Variants in DLC1 observed in about 807,000 individuals in gnomAD.
DLC1 encodes DLC1 Rho GTPase activating protein.
Under a neutral mutation model 140.3 loss-of-function variants are expected in DLC1, and 54 were observed. The observed-to-expected ratio is 0.38, with a 90% CI of 0.31 to 0.48. The LOEUF (loss-of-function observed/expected upper bound fraction) is 0.48, where lower values mean the gene tolerates loss of function less well. DLC1 is among the 20% of genes least tolerant of loss of function. The pLI is 0.96. For missense variants in DLC1, 2,536 were observed against 1,907.0 expected (o/e 1.33, Z -6.14); for synonymous variants, 986 against 728.1 (o/e 1.35, Z -5.70).
chr8:13,169,871 C>G (rs559802666), intron 5 of DLC1, among the ~76,000 whole-genome samples: 1 of 147,708 alleles, frequency 6.8e-6, no homozygotes, highest in South Asian at 2.1e-4. Flanking sequence ...AAAAAAAAAG[C>G]CAGATGCGGT....
At position 13,572,091 on chromosome 8, in the gene DLC1, A is replaced by ATT. The variant is rs773027065; in HGVS notation, c.-126+32444_-126+32445dup. Among the ~76,000 whole-genome samples the ATT allele has an allele frequency of 8.2e-3, 462 of 56,312 alleles. 10 individuals are homozygous for ATT. Among genetic ancestry groups the ATT allele is most frequent in the African/African-American group, 0.016 (190 of 11,786 alleles). The allele number at this position is 56,312 out of a possible 152,430, so 36.9% of individuals were successfully genotyped here. The stretch of plus-strand genomic sequence containing the variant: ...GAGTTTCAGGATTATTATTATTATT[A>ATT]TTTATTTTTTTTTTTTGAGATGGAG... On this transcript the variant is annotated intron_variant, in intron 1 of 1. Transcript: ENST00000631382.
intron 5 of DLC1, among the ~76,000 whole-genome samples, chr8:13,270,056 C>CA (rs538965954): frequency 0.027 from 1,906 of 71,368 alleles, 24 homozygotes; most frequent in South Asian, 0.047. Context: ...GACTCCGTCT[C>CA]AAAAAAAAAA....
intron 1 of DLC1, among the ~76,000 whole-genome samples, chr8:13,553,262 T>C (rs1318671327): frequency 7.4e-6 from 1 of 134,538 alleles, no homozygotes; most frequent in Admixed American, 8.0e-5. Flanking sequence ...GTATCACCTT[T>C]CTTCTTACTG....
intron 15 of DLC1, among the ~76,000 whole-genome samples, chr8:13,088,958 G>C (rs899837035): frequency 5.3e-5 from 8 of 152,122 alleles, no homozygotes; most frequent in African/African-American, 1.4e-4. Context: ...GTCAACTCGA[G>C]TCAAAATGAT....
intron 2 of DLC1, among the ~76,000 whole-genome samples, chr8:13,497,825 A>G (rs139825275): frequency 4.3e-4 from 65 of 152,346 alleles, no homozygotes; most frequent in African/African-American, 1.2e-3. Flanking sequence ...AAACTTATGT[A>G]AGGAAGTGAG....
intron 4 of DLC1, among the ~76,000 whole-genome samples, chr8:13,386,318 A>C (rs1347269501): frequency 2.6e-5 from 4 of 152,070 alleles, no homozygotes; most frequent in Non-Finnish European, 2.9e-5. Context: ...TGCTCCAGAT[A>C]CTTAATTAAC....
chr8:13,451,065 A>AAAAG (rs1799028313), intron 2 of DLC1, among the ~76,000 whole-genome samples: 2 of 147,916 alleles, frequency 1.4e-5, no homozygotes, highest in Non-Finnish European at 3.0e-5. Context: ...AAAAAAAAAA[A>AAAAG]AAAGAAAAAA....
rs569868045 is a variant in DLC1 at position 13,346,569 on chromosome 8, T to C, written c.1315-41267A>G. ...ATATGTAAAGTTTAATTGTTCTAGTTCTTTGTAACTTGAGCGGCAGGTGCC... is the reference window on the plus strand; with the variant it reads ...ATATGTAAAGTTTAATTGTTCTAGTCCTTTGTAACTTGAGCGGCAGGTGCC... On this transcript the variant is annotated intron_variant, in intron 4 of 17. Transcript: ENST00000276297. Among the ~76,000 whole-genome samples the C allele has an allele frequency of 1.8e-4, 28 of 152,310 alleles. 1 individual carries two copies. In the South Asian group the frequency reaches 5.6e-3, roughly 30 times the overall value.
rs563074078 is a variant in DLC1, at chr8:13,395,053, T to C, written c.1174-1360A>G. Among the ~76,000 whole-genome samples, 777 of 120,174 alleles carry C rather than the reference T, an allele frequency of 6.5e-3. 6 individuals are homozygous for C. The highest frequency in any genetic ancestry group is 0.016 in the South Asian group (54 of 3,482). 78.8% of individuals were successfully genotyped at this position (120,174 alleles called of 152,430 possible). ...ATCTATCATCTATCTATCTATCTATTAGGTACCTATCTACCATCTATAAAT... is the reference window on the plus strand; with the variant it reads ...ATCTATCATCTATCTATCTATCTATCAGGTACCTATCTACCATCTATAAAT... On this transcript the variant is annotated intron_variant, in intron 3 of 17. Coordinates refer to ENST00000276297, the MANE Select transcript of DLC1 (RefSeq NM_182643.3).
intron 4 of DLC1, among the ~76,000 whole-genome samples, chr8:13,379,741 C>A (rs1479630380): frequency 1.3e-5 from 2 of 152,148 alleles, no homozygotes; most frequent in Non-Finnish European, 2.9e-5. Flanking sequence ...TACGCATCAA[C>A]CCATCATCTA....
At chr8:13,138,484 T>C (rs1157186396) in intron 5 of DLC1, among the ~76,000 whole-genome samples, 1 of 152,224 alleles carries the variant, frequency 6.6e-6, no homozygotes, top group South Asian at 2.1e-4. Flanking sequence ...TCTTTGGAAA[T>C]TGATTTCTCT....
At chr8:13,393,794 C>A (rs1330348380) in intron 3 of DLC1, 101 bp from the exon 4 acceptor site, 3 of 1,324,860 alleles carry the variant, frequency 2.3e-6, no homozygotes, top group Middle Eastern at 2.7e-4. Context: ...TCTCCCAGTG[C>A]ACACTGATAC....
intron 2 of DLC1, among the ~76,000 whole-genome samples, chr8:13,411,063 G>A (rs562631848): frequency 2.0e-5 from 3 of 152,254 alleles, no homozygotes; most frequent in South Asian, 4.1e-4. Flanking sequence ...ATACCTGTTG[G>A]TATTTTTATT....
intron 5 of DLC1, among the ~76,000 whole-genome samples, chr8:13,164,092 T>G (rs2116889464): frequency 6.6e-6 from 1 of 151,660 alleles, no homozygotes; most frequent in Admixed American, 6.6e-5. Context: ...AGGTCAGGAG[T>G]TTGAGACCAG....
Position 13,312,384 on chromosome 8 carries a change from A to T in DLC1, c.1315-7082T>A, listed in dbSNP as rs1051305946. 9.4e-4 allele frequency among the ~76,000 whole-genome samples: 128 copies of T among 136,346 alleles called. 11 individuals are homozygous for T. Among genetic ancestry groups the T allele is most frequent in the Middle Eastern group, 3.5e-3 (1 of 284 alleles). 89.4% of individuals were successfully genotyped at this position (136,346 alleles called of 152,430 possible). A position where few individuals can be genotyped will look rare whatever the true frequency, so the allele number is the denominator to read the frequency against. On this transcript the variant is annotated intron_variant, in intron 4 of 17. Coordinates refer to ENST00000276297, the MANE Select transcript of DLC1 (RefSeq NM_182643.3). ...TCAAAAAAAAAAAAAAAAAAAAAAA[A>T]AAAATAATTTCTTTAGCAAGCTAGA...
intron 1 of DLC1, among the ~76,000 whole-genome samples, chr8:13,571,504 C>T (rs1428223672): frequency 5.3e-5 from 8 of 152,158 alleles, no homozygotes; most frequent in Admixed American, 5.2e-4. Flanking sequence ...GAGGTTCATC[C>T]AAGTTGTAGC....
At chr8:13,160,553 AG>A (rs1824612040) in intron 5 of DLC1, among the ~76,000 whole-genome samples, 1 of 152,166 alleles carries the variant, frequency 6.6e-6, no homozygotes, top group Non-Finnish European at 1.5e-5. Context: ...AAGGCGAGCA[AG>A]GGCCTTAGGA....
chr8:13,209,684 A>G (rs1214906689), intron 5 of DLC1, among the ~76,000 whole-genome samples: 1 of 151,986 alleles, frequency 6.6e-6, no homozygotes, highest in Admixed American at 6.6e-5. Flanking sequence ...GTGATAGTCA[A>G]TGAGTTCTTA....
intron 1 of DLC1, among the ~76,000 whole-genome samples, chr8:13,595,349 C>A (rs989042936): frequency 6.6e-6 from 1 of 151,806 alleles, no homozygotes; most frequent in Admixed American, 6.6e-5. Flanking sequence ...ACTGTCTTAC[C>A]AACATCAGTG....
Sources: allele counts gnomAD v4.1 joint callset (sites outside exome capture counted in the v4.1 genomes callset), GRCh38; gene constraint gnomAD v4.1.1; transcripts MANE v1.5; gene names NCBI Gene and HGNC (gene_info 2026-07-23, HGNC 2026-07-21).